Variants in TNKS observed in about 807,000 individuals in gnomAD.
TNKS encodes the protein tankyrase, also known as poly [ADP-ribose] polymerase tankyrase-1.
TNKS carries 72 observed loss-of-function variants against 135.8 expected under a neutral mutation model. The ratio of observed to expected loss-of-function variants is 0.53; its 90% CI spans 0.44 to 0.64. The LOEUF (loss-of-function observed/expected upper bound fraction) is 0.64. Among genes scored for constraint, TNKS ranks in the 30% least tolerant of loss-of-function variants. The pLI is 0.00. For missense variants in TNKS, 1,769 were observed against 1,674.0 expected (o/e 1.06, Z -0.99); for synonymous variants, 849 against 649.3 (o/e 1.31, Z -4.68).
At chr8:9,746,303 A>G (rs1806232450) in intron 17 of TNKS, among the ~76,000 whole-genome samples, 1 of 152,208 alleles carries the variant, frequency 6.6e-6, no homozygotes, top group Non-Finnish European at 1.5e-5. Context: ...ATTCTTAAAA[A>G]GCCTATTTGT....
At chr8:9,567,719 C>G (rs958978327) in intron 1 of TNKS, among the ~76,000 whole-genome samples, 1 of 152,144 alleles carries the variant, frequency 6.6e-6, no homozygotes, top group Non-Finnish European at 1.5e-5. Context: ...ACCCTTCCAG[C>G]AACGACTTTC....
At chr8:9,691,015 G>T (rs1243963761) in intron 5 of TNKS, among the ~76,000 whole-genome samples, 1 of 152,128 alleles carries the variant, frequency 6.6e-6, no homozygotes, top group Non-Finnish European at 1.5e-5. Flanking sequence ...GAGAGAGCTC[G>T]CTTGTTTAGA....
Position 9,751,819 on chromosome 8 carries a change from G to A in TNKS, c.3043G>A (p.Ala1015Thr), listed in dbSNP as rs750387634. 46 of 1,614,066 alleles carry A rather than the reference G, an allele frequency of 2.8e-5. No homozygotes were observed. Among genetic ancestry groups the A allele is most frequent in the Middle Eastern group, 1.6e-4 (1 of 6,084 alleles). ...AGCCTCCAATGCAGGGGATGGCGCC[G>A]CGGGAACAGAAAGGAAGGAAGGAGA... The part of the protein sequence containing the change: ...GGASNAGDGA[A>T]GTERKEGEVA... The change falls in exon 19 of 27, where the codon GCG (alanine) becomes ACG (threonine). Residue 1015 changes from alanine (A) to threonine (T), a missense_variant. Coordinates refer to ENST00000310430, the MANE Select transcript of TNKS (RefSeq NM_003747.3).
In TNKS at chr8:9,752,544, T is replaced by G; in HGVS notation, c.3071T>G (p.Val1024Gly). ...AAGTERKEGE[V>G]AGLDMNISQF... ...AATCTTTAATATGTTTCTGTTTTAGTTGCTGGTCTTGACATGAATATCAGC... is the reference window on the plus strand; with the variant it reads ...AATCTTTAATATGTTTCTGTTTTAGGTGCTGGTCTTGACATGAATATCAGC... Residue 1024 changes from valine (V) to glycine (G), a missense_variant and splice_region_variant, in exon 20 of 27, where the codon GTT (valine) becomes GGT (glycine). By Grantham distance (109) the Val-to-Gly change is moderately radical. This residue lies in a region of TNKS where 722 missense variants were observed against 688.9 expected (regional missense o/e 1.05). Coordinates refer to ENST00000310430, the MANE Select transcript of TNKS (RefSeq NM_003747.3). 6.2e-7 allele frequency: 1 copy of G among 1,609,676 alleles called. No homozygotes were observed. The highest frequency in any genetic ancestry group is 8.5e-7 in the Non-Finnish European group (1 of 1,177,276).
chr8:9,591,621 A>C (rs1424115350), intron 2 of TNKS, among the ~76,000 whole-genome samples: 2 of 152,030 alleles, frequency 1.3e-5, no homozygotes, highest in Non-Finnish European at 2.9e-5. Context: ...TTTTGCTGTT[A>C]CTGATTTTTG....
intron 3 of TNKS, among the ~76,000 whole-genome samples, chr8:9,618,019 C>A (rs1291898976): frequency 8.5e-6 from 1 of 118,026 alleles, no homozygotes. Flanking sequence ...TGGAGTTTTG[C>A]TCTGTTGCCC....
At chr8:9,614,072 C>A (rs1437320860) in intron 2 of TNKS, among the ~76,000 whole-genome samples, 1 of 152,154 alleles carries the variant, frequency 6.6e-6, no homozygotes, top group Admixed American at 6.5e-5. Context: ...AGATAGTTAT[C>A]AGCTTGCATT....
At chr8:9,772,835 G>C (rs865850186) in intron 26 of TNKS, among the ~76,000 whole-genome samples, 219 of 130,094 alleles carry the variant, frequency 1.7e-3, no homozygotes, top group African/African-American at 6.6e-3. Context: ...GTGTGTCTGT[G>C]TGTGTGTGTG....
At chr8:9,570,387 C>T (rs1293058608) in intron 1 of TNKS, among the ~76,000 whole-genome samples, 1 of 148,600 alleles carries the variant, frequency 6.7e-6, no homozygotes, top group East Asian at 2.0e-4. Flanking sequence ...ATGAATGAAA[C>T]ATAATGTCCT....
chr8:9,730,938 C>T lies in TNKS; in HGVS notation c.2050C>T (p.His684Tyr). ...NVNCRDLEGR[H>Y]STPLHFAAGY... is the part of the protein sequence containing the mutation. The stretch of plus-strand genomic sequence containing the variant: ...GAATTGTAGAGACTTAGAGGGCCGG[C>T]ATTCCACGCCCTTACACTTCGCAGC... The change falls in exon 14 of 27, where the codon CAT (histidine) becomes TAT (tyrosine). Residue 684 changes from histidine (H) to tyrosine (Y), a missense_variant. Physicochemically the swap from His to Tyr is moderately conservative, Grantham distance 83. Transcript: ENST00000310430. The T allele has an allele frequency of 6.2e-7, 1 of 1,614,066 alleles. No individual in the cohort carries two copies. Among genetic ancestry groups the T allele is most frequent in the Non-Finnish European group, 8.5e-7 (1 of 1,179,986 alleles).
At chr8:9,720,195 G>C (rs1349640239) in intron 11 of TNKS, among the ~76,000 whole-genome samples, 179 bp from the exon 12 acceptor site, 1 of 152,024 alleles carries the variant, frequency 6.6e-6, no homozygotes, top group Non-Finnish European at 1.5e-5. Flanking sequence ...ATCAGAGAAG[G>C]GTAACTAAAA....
chr8:9,744,843 A>C (rs181120638), intron 17 of TNKS, among the ~76,000 whole-genome samples: 1 of 152,352 alleles, frequency 6.6e-6, no homozygotes, highest in Non-Finnish European at 1.5e-5. Flanking sequence ...CATTTGTCAG[A>C]AAATTTCACA....
intron 20 of TNKS, among the ~76,000 whole-genome samples, chr8:9,755,293 A>G (rs1383076573): frequency 1.3e-5 from 2 of 152,126 alleles, no homozygotes; most frequent in Non-Finnish European, 2.9e-5. Context: ...TGGTTTCATC[A>G]GTTTCATTGT....
At chr8:9,609,936 C>T (rs1799385330) in intron 2 of TNKS, among the ~76,000 whole-genome samples, 1 of 152,132 alleles carries the variant, frequency 6.6e-6, no homozygotes, top group South Asian at 2.1e-4. Context: ...CAGCTCACTG[C>T]AAGCTCCACC....
intron 2 of TNKS, among the ~76,000 whole-genome samples, chr8:9,602,393 G>A (rs1433177460): frequency 6.6e-6 from 1 of 152,218 alleles, no homozygotes; most frequent in Non-Finnish European, 1.5e-5. Flanking sequence ...AGAGCCAGTA[G>A]AAGAGAGAGA....
At chr8:9,684,121 T>C (rs759589319) in intron 5 of TNKS, among the ~76,000 whole-genome samples, 3 of 151,984 alleles carry the variant, frequency 2.0e-5, no homozygotes, top group African/African-American at 7.2e-5. Context: ...CCAGTATGAT[T>C]AGTCATAACA....
intron 2 of TNKS, among the ~76,000 whole-genome samples, chr8:9,582,132 C>T (rs1002134303): frequency 2.6e-5 from 4 of 152,096 alleles, no homozygotes; most frequent in Non-Finnish European, 4.4e-5. Context: ...TTGTAAACCC[C>T]GGTATACTTA....
At chr8:9,633,275 G>A (rs1240248409) in intron 3 of TNKS, among the ~76,000 whole-genome samples, 1 of 152,106 alleles carries the variant, frequency 6.6e-6, no homozygotes, top group Admixed American at 6.5e-5. Flanking sequence ...ATAAGTAATA[G>A]GTTATTCATT....
chr8:9,770,024 TA>T, intron 25 of TNKS, 81 bp from the exon 26 acceptor site: 2 of 1,310,886 alleles, frequency 1.5e-6, no homozygotes, highest in East Asian at 4.9e-5. Context: ...GTTAAATTTT[TA>T]AAAAATTAAT....
Sources: gnomAD v4.1 joint callset for allele counts (sites outside exome capture counted in the v4.1 genomes callset) on GRCh38, gnomAD v4.1.1 for gene constraint, gnomAD v4.1.1 regional missense constraint, MANE v1.5 for transcripts, NCBI Gene and HGNC (gene_info 2026-07-23, HGNC 2026-07-21) for gene names.